The following TTC27 variants were observed in gnomAD, a reference collection of about 807,000 sequenced individuals.
TTC27 encodes tetratricopeptide repeat domain 27, also known as tetratricopeptide repeat protein 27.
TTC27 carries 79 observed loss-of-function variants against 115.9 expected under a neutral mutation model. The ratio of observed to expected loss-of-function variants is 0.68; its 90% CI spans 0.57 to 0.82. TTC27 has a LOEUF of 0.82. Among genes scored for constraint, TTC27 ranks in the 40% least tolerant of loss-of-function variants. TTC27 has a pLI of 0.00. For missense variants in TTC27, 1,054 were observed against 993.1 expected (o/e 1.06, Z -0.82); for synonymous variants, 401 against 356.0 (o/e 1.13, Z -1.42).
intron 9 of TTC27, among the ~76,000 whole-genome samples, chr2:32,692,081 A>G (rs1161966003): frequency 6.6e-4 from 55 of 83,094 alleles, no homozygotes; most frequent in African/African-American, 2.2e-3. Flanking sequence ...AGGTCTCCCC[A>G]TATTGCTCAG....
chr2:32,671,370 T>C (rs1666010173), intron 7 of TTC27, among the ~76,000 whole-genome samples: 1 of 152,028 alleles, frequency 6.6e-6, no homozygotes, highest in Non-Finnish European at 1.5e-5. Context: ...GACAGGGTCT[T>C]GCTGTGTTAC....
At chr2:32,657,666 G>A (rs1357702095) in intron 5 of TTC27, among the ~76,000 whole-genome samples, 1 of 151,940 alleles carries the variant, frequency 6.6e-6, no homozygotes, top group African/African-American at 2.4e-5. Flanking sequence ...CAGTAGATTG[G>A]GCTTTTGTAG....
intron 9 of TTC27, among the ~76,000 whole-genome samples, chr2:32,687,619 C>G (rs1476507437): frequency 2.6e-5 from 4 of 152,042 alleles, no homozygotes; most frequent in African/African-American, 9.7e-5. Context: ...AAAATATTAT[C>G]CCATGAAAAC....
intron 19 of TTC27, among the ~76,000 whole-genome samples, chr2:32,818,346 CTT>C (rs2148054113): frequency 6.6e-6 from 1 of 152,252 alleles, no homozygotes; most frequent in Non-Finnish European, 1.5e-5. Flanking sequence ...AAAAAATTGA[CTT>C]AGATAAAAAT....
At chr2:32,710,762 G>A (rs1238639307) in intron 10 of TTC27, among the ~76,000 whole-genome samples, 1 of 151,946 alleles carries the variant, frequency 6.6e-6, no homozygotes, top group East Asian at 1.9e-4. Flanking sequence ...ACCTGCATTT[G>A]TGAAGATTAT....
chr2:32,812,737 CATT>C, intron 18 of TTC27, 122 bp downstream of exon 18: 2 of 698,234 alleles, frequency 2.9e-6, no homozygotes, highest in Non-Finnish European at 2.4e-6. Flanking sequence ...ATTATATTGA[CATT>C]GTTGTATTTA....
At chr2:32,685,821 C>G (rs1207587203) in intron 9 of TTC27, among the ~76,000 whole-genome samples, 1 of 152,176 alleles carries the variant, frequency 6.6e-6, no homozygotes, top group Non-Finnish European at 1.5e-5. Context: ...CTGCTTTCTT[C>G]ACTTGTCTTC....
intron 10 of TTC27, among the ~76,000 whole-genome samples, chr2:32,707,331 C>T (rs992304311): frequency 1.3e-5 from 2 of 152,124 alleles, no homozygotes; most frequent in African/African-American, 4.8e-5. Flanking sequence ...AGAGAGAGAG[C>T]TCCCTTTTAT....
chr2:32,718,253 C>A (rs1667816308), intron 10 of TTC27, among the ~76,000 whole-genome samples: 1 of 152,072 alleles, frequency 6.6e-6, no homozygotes, highest in Admixed American at 6.6e-5. Context: ...TGGAGACCTC[C>A]CAGATCTATC....
At chr2:32,667,590 A>G (rs1181175974) in intron 7 of TTC27, among the ~76,000 whole-genome samples, 2 of 150,484 alleles carry the variant, frequency 1.3e-5, no homozygotes, top group Admixed American at 6.6e-5. Context: ...CTAATTTTGT[A>G]TTTTTGGTAG....
chr2:32,683,791 T>C (rs894431817), intron 9 of TTC27, among the ~76,000 whole-genome samples: 5 of 149,050 alleles, frequency 3.4e-5, no homozygotes, highest in Non-Finnish European at 7.6e-5. Flanking sequence ...GTAATGTTTT[T>C]AATTTCCTTT....
chr2:32,806,095 A>G (rs1334554106), intron 16 of TTC27, among the ~76,000 whole-genome samples: 2 of 152,174 alleles, frequency 1.3e-5, no homozygotes, highest in Non-Finnish European at 2.9e-5. Flanking sequence ...CACCTCTAAA[A>G]TCTTAAACTT....
chr2:32,790,470 C>A (rs779575052), intron 16 of TTC27, among the ~76,000 whole-genome samples: 24 of 152,052 alleles, frequency 1.6e-4, no homozygotes, highest in Non-Finnish European at 3.1e-4. Flanking sequence ...TAATTGTATA[C>A]ATCTATGGAG....
intron 16 of TTC27, among the ~76,000 whole-genome samples, chr2:32,796,464 C>T (rs899597229): frequency 2.0e-5 from 3 of 152,050 alleles, no homozygotes; most frequent in Non-Finnish European, 4.4e-5. Context: ...AAAATGGGGA[C>T]ATTACTACTG....
chr2:32,795,597 G>A (rs1224479558), intron 16 of TTC27, among the ~76,000 whole-genome samples: 2 of 150,326 alleles, frequency 1.3e-5, no homozygotes, highest in African/African-American at 2.4e-5. Flanking sequence ...CTGTTGCCCA[G>A]GCTGGAGTGC....
chr2:32,760,569 C>T (rs1669400595), intron 13 of TTC27, among the ~76,000 whole-genome samples: 2 of 152,148 alleles, frequency 1.3e-5, no homozygotes, highest in Admixed American at 1.3e-4. Flanking sequence ...TTGATTATCA[C>T]TCTATTTTTT....
chr2:32,699,520 ATTTTTTT>A (rs1667112533), intron 9 of TTC27, among the ~76,000 whole-genome samples: 1 of 152,170 alleles, frequency 6.6e-6, no homozygotes, highest in Non-Finnish European at 1.5e-5. Context: ...GGTTGCTGAA[ATTTTTTT>A]AAAATGCCAT....
intron 6 of TTC27, among the ~76,000 whole-genome samples, chr2:32,666,337 A>T (rs1019952744): frequency 2.7e-5 from 4 of 150,200 alleles, no homozygotes; most frequent in African/African-American, 4.9e-5. Flanking sequence ...TAGTTCTTCT[A>T]CCTACAACAC....
chr2:32,733,302 T>C (rs1005323861), intron 10 of TTC27, among the ~76,000 whole-genome samples: 1 of 152,242 alleles, frequency 6.6e-6, no homozygotes, highest in Non-Finnish European at 1.5e-5. Context: ...CCCACTGCAC[T>C]GTATAGATGG....
Sources: allele counts gnomAD v4.1 joint callset (sites outside exome capture counted in the v4.1 genomes callset), GRCh38; gene constraint gnomAD v4.1.1; transcripts MANE v1.5; gene names NCBI Gene and HGNC (gene_info 2026-07-23, HGNC 2026-07-21).